The following RBMS1 variants were observed in gnomAD, a reference collection of about 807,000 sequenced individuals.
RBMS1 encodes RNA binding motif single stranded interacting protein 1.
A neutral mutation model predicts 62.3 loss-of-function variants in RBMS1; 17 were observed. That is an observed-to-expected ratio of 0.27 (90% CI 0.19 to 0.41). RBMS1 has a LOEUF of 0.41. Ranked by LOEUF, RBMS1 falls within the 10% of genes least tolerant of loss-of-function variation. The pLI is 1.00. For missense variants in RBMS1, 334 were observed against 504.5 expected (o/e 0.66, Z 3.24); for synonymous variants, 172 against 170.0 (o/e 1.01, Z -0.09).
chr2:160,342,622 A>C (rs538947383), intron 2 of RBMS1, among the ~76,000 whole-genome samples: 1 of 152,222 alleles, frequency 6.6e-6, no homozygotes, highest in East Asian at 1.9e-4. Flanking sequence ...GATATGTGAA[A>C]AAATAATTAT....
chr2:160,337,135 CTTTTTTT>C lies in RBMS1; in HGVS notation c.252-18915_252-18909del, dbSNP rs768216149. 2.2e-5 allele frequency among the ~76,000 whole-genome samples: 3 copies of C among 136,400 alleles called. No individual in the cohort carries two copies. In the Admixed American group the frequency reaches 2.2e-4, roughly 10 times the overall value. The allele number at this position is 136,400 out of a possible 152,430, so 89.5% of individuals were successfully genotyped here. On this transcript the variant is annotated intron_variant, in intron 2 of 13. Transcript: ENST00000348849. ...TTCTTTTCGTTTTTCTTTTTCTTTT[CTTTTTTT>C]TTTTTTTTTGAGCCAGAGTCTCGCT...
chr2:160,372,582 T>C (rs910480717), intron 1 of RBMS1, among the ~76,000 whole-genome samples: 5 of 152,262 alleles, frequency 3.3e-5, no homozygotes, highest in Non-Finnish European at 7.3e-5. Context: ...AGTTCCTCTC[T>C]GTATGCTTTC....
intron 1 of RBMS1, among the ~76,000 whole-genome samples, chr2:160,411,102 C>T (rs565002975): frequency 6.6e-6 from 1 of 152,160 alleles, no homozygotes; most frequent in Non-Finnish European, 1.5e-5. Context: ...ATGTCTTCCT[C>T]CCTCACCTCA....
chr2:160,404,816 C>A (rs1454959060), intron 1 of RBMS1, among the ~76,000 whole-genome samples: 1 of 152,170 alleles, frequency 6.6e-6, no homozygotes, highest in Non-Finnish European at 1.5e-5. Context: ...TTCTCCCTCC[C>A]CAAAAAGGTG....
chr2:160,377,619 G>C (rs1694069864), intron 1 of RBMS1, among the ~76,000 whole-genome samples: 1 of 152,166 alleles, frequency 6.6e-6, no homozygotes, highest in East Asian at 1.9e-4. Context: ...TATCTGCTCA[G>C]AATAACAAAA....
At chr2:160,482,270 A>C (rs749999069) in intron 1 of RBMS1, among the ~76,000 whole-genome samples, 68 of 152,322 alleles carry the variant, frequency 4.5e-4, no homozygotes, top group Non-Finnish European at 8.4e-4. Context: ...ACCAACCAAC[A>C]AAGATAGAAG....
At chr2:160,409,001 C>T (rs1239815978) in intron 1 of RBMS1, among the ~76,000 whole-genome samples, 1 of 152,158 alleles carries the variant, frequency 6.6e-6, no homozygotes, top group Non-Finnish European at 1.5e-5. Flanking sequence ...ATGAAAAATC[C>T]TAACTTGTCT....
In RBMS1 at chr2:160,486,520, T is replaced by C. The variant is rs1362823780; in HGVS notation, c.75+6769A>G. 2.0e-5 allele frequency among the ~76,000 whole-genome samples: 3 copies of C among 152,172 alleles called. No individual in the cohort carries two copies. In the South Asian group the frequency reaches 6.2e-4, roughly 32 times the overall value. The stretch of plus-strand genomic sequence containing the variant: ...AAAACCTTTCCCTGAAATCACTGTT[T>C]ATCTGGGACCCAGCAGCCCAACTGC... On this transcript the variant is annotated intron_variant, in intron 1 of 13. Coordinates refer to ENST00000348849, the MANE Select transcript of RBMS1 (RefSeq NM_016836.4).
intron 1 of RBMS1, among the ~76,000 whole-genome samples, chr2:160,476,174 A>G (rs1685119026): frequency 6.6e-6 from 1 of 152,034 alleles, no homozygotes; most frequent in Non-Finnish European, 1.5e-5. Flanking sequence ...TCCCTTTTCT[A>G]TACACATTAT....
intron 2 of RBMS1, among the ~76,000 whole-genome samples, chr2:160,323,168 A>AT (rs1199374588): frequency 8.0e-5 from 9 of 112,588 alleles, no homozygotes; most frequent in African/African-American, 2.7e-4. Flanking sequence ...TCTGTAGCTT[A>AT]ATTTTTTTTT....
At chr2:160,345,737 T>C (rs1692138629) in intron 2 of RBMS1, among the ~76,000 whole-genome samples, 1 of 152,192 alleles carries the variant, frequency 6.6e-6, no homozygotes, top group African/African-American at 2.4e-5. Context: ...GGGGATAATA[T>C]TCAGTTTTCC....
chr2:160,278,985 T>C (rs1005465347), intron 10 of RBMS1: 3 of 194,558 alleles, frequency 1.5e-5, no homozygotes, highest in African/African-American at 7.0e-5. Context: ...GGAGGAGCTA[T>C]CATAGGAAAA....
At chr2:160,324,862 C>T (rs910195012) in intron 2 of RBMS1, among the ~76,000 whole-genome samples, 9 of 107,854 alleles carry the variant, frequency 8.3e-5, no homozygotes, top group African/African-American at 3.0e-4. Flanking sequence ...CTATTCTAAG[C>T]GAGATGTGTG....
At chr2:160,472,154 C>T (rs1020354497) in intron 1 of RBMS1, among the ~76,000 whole-genome samples, 3 of 152,058 alleles carry the variant, frequency 2.0e-5, no homozygotes, top group African/African-American at 7.2e-5. Flanking sequence ...TCTTCCTCCT[C>T]GTTTTGAGTC....
intron 2 of RBMS1, among the ~76,000 whole-genome samples, chr2:160,342,800 C>T (rs573891837): frequency 2.8e-4 from 42 of 147,980 alleles, no homozygotes; most frequent in African/African-American, 9.9e-4. Context: ...TAGCCGGGTA[C>T]GGTGGCAGGC....
At chr2:160,275,783 G>C (rs1004731856) in intron 12 of RBMS1, 69 bp from the exon 13 acceptor site, 2 of 1,602,872 alleles carry the variant, frequency 1.2e-6, no homozygotes, top group Non-Finnish European at 1.7e-6. Flanking sequence ...ACTTAGGCCT[G>C]ACTGAATCCA....
chr2:160,385,724 T>C (rs1694535338), intron 1 of RBMS1, among the ~76,000 whole-genome samples: 1 of 152,208 alleles, frequency 6.6e-6, no homozygotes, highest in Non-Finnish European at 1.5e-5. Flanking sequence ...GCCTCCCTTT[T>C]ATTATTCTCA....
chr2:160,414,795 C>T (rs1696155693), intron 1 of RBMS1, among the ~76,000 whole-genome samples: 2 of 150,456 alleles, frequency 1.3e-5, no homozygotes. Context: ...TGCAGTGAGC[C>T]GAGATTGCAC....
At chr2:160,299,187 T>C (rs1030647963) in intron 6 of RBMS1, among the ~76,000 whole-genome samples, 6 of 152,090 alleles carry the variant, frequency 3.9e-5, no homozygotes, top group African/African-American at 1.4e-4. Context: ...GATGCATAAA[T>C]GGGAAGTAAG....
Sources: allele counts gnomAD v4.1 joint callset (sites outside exome capture counted in the v4.1 genomes callset), GRCh38; gene constraint gnomAD v4.1.1; transcripts MANE v1.5; gene names NCBI Gene and HGNC (gene_info 2026-07-23, HGNC 2026-07-21).